Variants in SLC9A1 observed in about 807,000 individuals in gnomAD.
SLC9A1 encodes solute carrier family 9 member A1, also known as sodium/hydrogen exchanger 1.
SLC9A1 carries 22 observed loss-of-function variants against 67.9 expected under a neutral mutation model. That is an observed-to-expected ratio of 0.32 (90% confidence interval 0.23 to 0.46). The LOEUF is 0.46. Among genes scored for constraint, SLC9A1 ranks in the 20% least tolerant of loss-of-function variants. The pLI is 1.00. For synonymous variants in SLC9A1, 421 were observed against 471.8 expected, an observed-to-expected ratio of 0.89 and a Z score of 1.40; for missense variants, 686 against 1,094.8, an observed-to-expected ratio of 0.63 and a Z score of 5.27.
rs1177002704 is a variant in SLC9A1 at position 27,154,501 on chromosome 1, G to A, written c.-167C>T. On this transcript the variant is annotated 5_prime_UTR_variant, in exon 1 of 12. Transcript: ENST00000263980. ...AAGCAATTTTCTGGGGGTGGAGGGA[G>A]GCTGGGTTTGCAATCTGGAACTCCA... 2 of 526,984 alleles carry A rather than the reference G, an allele frequency of 3.8e-6. No homozygotes were observed. The highest frequency in any genetic ancestry group is 6.6e-6 in the Non-Finnish European group (2 of 302,036). The allele number at this position is 526,984 out of a possible 1,614,324, so 32.6% of individuals were successfully genotyped here.
chr1:27,116,732 T>C (rs532626537), intron 1 of SLC9A1, among the ~76,000 whole-genome samples: 4 of 152,354 alleles, frequency 2.6e-5, no homozygotes, highest in African/African-American at 9.6e-5. Flanking sequence ...TCTCTCTTGC[T>C]GTAGAGGATA....
Position 27,106,444 on chromosome 1 carries a change from T to C in SLC9A1, c.1283-357A>G, listed in dbSNP as rs2083185460. 6.6e-6 allele frequency among the ~76,000 whole-genome samples: 1 copy of C among 152,152 alleles called. No homozygotes were observed. The highest frequency in any genetic ancestry group is 1.5e-5 in the Non-Finnish European group (1 of 67,966). ...GGGTCATGATCCTATTCTCTCTACT[T>C]TTCTAAGTACTTGAAATTTTCCATA... is the stretch of plus-strand genomic sequence containing the variant. On this transcript the variant is annotated intron_variant, in intron 4 of 11. Transcript: ENST00000263980. This position sits in a 1 kb window ranked among gnomAD's most constrained non-coding sequence, Gnocchi z 4.3.
chr1:27,150,702 T>C (rs2083520634), intron 1 of SLC9A1, among the ~76,000 whole-genome samples: 1 of 152,148 alleles, frequency 6.6e-6, no homozygotes, highest in Non-Finnish European at 1.5e-5. Context: ...ACTTACCTAA[T>C]GTCACCCACT....
In SLC9A1 at chr1:27,136,451, C is replaced by T. The variant is rs2083420939; in HGVS notation, c.352+17532G>A. Among the ~76,000 whole-genome samples the T allele has an allele frequency of 2.0e-5, 3 of 152,256 alleles. No homozygotes were observed. In the South Asian group the frequency reaches 6.2e-4, roughly 32 times the overall value. On this transcript the variant is annotated intron_variant, in intron 1 of 11. Transcript: ENST00000263980. The stretch of plus-strand genomic sequence containing the variant: ...GCCCACTGGGCCACACTGCCTCACA[C>T]TTTCCCCAGCTCTTGTTGACCCAGA...
chr1:27,122,029 T>C (rs1366381213), intron 1 of SLC9A1, among the ~76,000 whole-genome samples: 2 of 152,072 alleles, frequency 1.3e-5, no homozygotes, highest in East Asian at 1.9e-4. Context: ...GGCATAAGAA[T>C]TGCTTGAACC....
At chr1:27,124,192 G>A (rs1465460545) in intron 1 of SLC9A1, among the ~76,000 whole-genome samples, 4 of 152,116 alleles carry the variant, frequency 2.6e-5, no homozygotes, top group Admixed American at 6.5e-5. Flanking sequence ...GGGCAGAGGT[G>A]GGGGAAGAAA....
At chr1:27,108,444 G>A (rs1557739776) in intron 3 of SLC9A1, among the ~76,000 whole-genome samples, 1 of 151,336 alleles carries the variant, frequency 6.6e-6, no homozygotes, top group East Asian at 2.0e-4. Flanking sequence ...TTGGGAGGCC[G>A]ACAAAGGCGG....
intron 1 of SLC9A1, among the ~76,000 whole-genome samples, chr1:27,144,001 T>C (rs1413835970): frequency 1.3e-5 from 2 of 152,222 alleles, no homozygotes; most frequent in African/African-American, 4.8e-5. Context: ...CTCTGTACTG[T>C]TGGGTTTTAT....
At chr1:27,107,312 A>G in intron 4 of SLC9A1, among the ~76,000 whole-genome samples, 1 of 122,016 alleles carries the variant, frequency 8.2e-6, no homozygotes, top group Non-Finnish European at 1.7e-5. Context: ...CCACAGCCCA[A>G]TCCCTCCACA....
intron 1 of SLC9A1, among the ~76,000 whole-genome samples, chr1:27,115,446 C>T (rs900441566): frequency 6.6e-6 from 1 of 152,006 alleles, no homozygotes; most frequent in Non-Finnish European, 1.5e-5. Flanking sequence ...AAAATCTGAG[C>T]ATCTAGTTGT....
intron 1 of SLC9A1, among the ~76,000 whole-genome samples, chr1:27,116,177 T>C (rs2083271018): frequency 1.3e-5 from 2 of 152,110 alleles, no homozygotes; most frequent in South Asian, 4.1e-4. Flanking sequence ...CTGACCAATA[T>C]GGTGAAACCC....
chr1:27,141,801 C>T (rs1419470300), intron 1 of SLC9A1, among the ~76,000 whole-genome samples: 2 of 152,318 alleles, frequency 1.3e-5, no homozygotes, highest in Non-Finnish European at 1.5e-5. Context: ...GAGTTGGCCC[C>T]GCCTCATGCT....
At chr1:27,108,235 T>G (rs1454741118) in intron 3 of SLC9A1, among the ~76,000 whole-genome samples, 2 of 151,302 alleles carry the variant, frequency 1.3e-5, no homozygotes, top group African/African-American at 4.8e-5. Flanking sequence ...CTGGCTAATT[T>G]TTTTGTATTT....
In SLC9A1 at chr1:27,100,591, C is replaced by G; in HGVS notation, c.2164G>C (p.Ala722Pro). Residue 722 changes from alanine to proline, a missense_variant, in exon 12 of 12, where the codon GCT (alanine) becomes CCT (proline). Around this residue, in one of 7 missense-constraint regions of SLC9A1, gnomAD observed 226 missense variants for 282.4 expected, o/e 0.80. Coordinates refer to ENST00000263980, the MANE Select transcript of SLC9A1 (RefSeq NM_003047.5). This position sits in a 1 kb window ranked among gnomAD's most constrained non-coding sequence, Gnocchi z 5.6. ...ACAGACTCGGGTGACTGCGGGGAAG[C>G]CGGGTCGATGGTGATGACAGGCAGG... ...EDLPVITIDP[A>P]SPQSPESVDL... 1 of 1,613,674 alleles carries G rather than the reference C, an allele frequency of 6.2e-7. No individual in the cohort carries two copies.
Position 27,147,299 on chromosome 1 carries a change from C to CAAAAAAAAAA in SLC9A1, c.352+6674_352+6683dup, listed in dbSNP as rs57583944. Among the ~76,000 whole-genome samples, 171 of 43,890 alleles carry CAAAAAAAAAA rather than the reference C, an allele frequency of 3.9e-3. 7 individuals are homozygous for CAAAAAAAAAA. The highest frequency in any genetic ancestry group is 0.012 in the African/African-American group (115 of 9,956). The allele number at this position is 43,890 out of a possible 152,430, so 28.8% of individuals were successfully genotyped here. ...TGTGCAAAAGAGCGAGACTCTGTCT[C>CAAAAAAAAAA]AAAAAAAAAAAAAAAAAAAAAAGAA... On this transcript the variant is annotated intron_variant, in intron 1 of 11. Coordinates refer to ENST00000263980, the MANE Select transcript of SLC9A1 (RefSeq NM_003047.5).
intron 4 of SLC9A1, among the ~76,000 whole-genome samples, chr1:27,107,218 TCTACACACACCCAACCC>T (rs2083193067): frequency 3.3e-4 from 1 of 2,994 alleles, no homozygotes. Flanking sequence ...ACCCAGCCCC[TCTACACACACCCAACCC>T]CTACACACAC....
In SLC9A1 at chr1:27,112,312, T is replaced by A. The variant is rs1177884540; in HGVS notation, c.813+1514A>T. On this transcript the variant is annotated intron_variant, in intron 2 of 11. Coordinates refer to ENST00000263980, the MANE Select transcript of SLC9A1 (RefSeq NM_003047.5). Reference sequence around the variant, plus strand: ...GCTGAACACCACAGTCTGTCTCTACTCTGAGGTGCTGCTTCCTGAAGGCTG... The same window carrying A: ...GCTGAACACCACAGTCTGTCTCTACACTGAGGTGCTGCTTCCTGAAGGCTG... Among the ~76,000 whole-genome samples, 5 of 152,270 alleles carry A rather than the reference T, an allele frequency of 3.3e-5. No homozygotes were observed. The East Asian group carries it at 9.7e-4, about 29-fold the overall frequency.
intron 3 of SLC9A1, among the ~76,000 whole-genome samples, chr1:27,108,159 C>G (rs1368265613): frequency 6.6e-6 from 1 of 151,238 alleles, no homozygotes. Flanking sequence ...CTCCGCCTCC[C>G]GGGTTCAAGC....
rs199663689 is a variant in SLC9A1 at position 27,105,963 on chromosome 1, C to T, written c.1407G>A (p.Leu469=). The T allele has an allele frequency of 4.0e-5, 65 of 1,613,694 alleles. No individual in the cohort carries two copies. The Middle Eastern group carries it at 4.9e-4, about 12-fold the overall frequency. ...GAIAFSLGYL[L]DKKHFPMCDL... ...CACACATGGGGAAGTGCTTCTTGTC[C>T]AGGAGGTAGCCCAGAGAGAAGGCGA... The change falls in exon 5 of 12, where the codon CTG becomes CTA. Residue 469 remains leucine (L), a synonymous_variant. Transcript: ENST00000263980.
Sources: allele counts gnomAD v4.1 joint callset (sites outside exome capture counted in the v4.1 genomes callset), GRCh38; gene constraint gnomAD v4.1.1; regional missense constraint gnomAD v4.1.1; non-coding constraint Gnocchi (gnomAD v3.1); transcripts MANE v1.5; gene names NCBI Gene and HGNC (gene_info 2026-07-23, HGNC 2026-07-21).